The following NEK7 variants were observed in gnomAD, a reference collection of about 807,000 sequenced individuals.
NEK7 encodes the protein NIMA related kinase 7.
In NEK7, 18 loss-of-function variants were observed where a neutral mutation model predicts 44.6. The ratio of observed to expected loss-of-function variants is 0.40; its 90% CI spans 0.28 to 0.60. The LOEUF is 0.60. NEK7 is among the 20% of genes least tolerant of loss of function. The probability of loss-of-function intolerance (pLI) is 0.38; values close to 1 mark genes in which losing one functional copy is unlikely to be tolerated. For synonymous variants in NEK7, 130 were observed against 121.1 expected, an observed-to-expected ratio of 1.07 and a Z score of -0.48; for missense variants, 256 against 366.5, an observed-to-expected ratio of 0.70 and a Z score of 2.46.
intron 1 of NEK7, among the ~76,000 whole-genome samples, chr1:198,160,730 G>T (rs1664079590): frequency 6.6e-6 from 1 of 151,982 alleles, no homozygotes; most frequent in Non-Finnish European, 1.5e-5. Flanking sequence ...ATAACATTTG[G>T]TTACATAATT....
chr1:198,296,114 C>T (rs1322050885), intron 8 of NEK7, among the ~76,000 whole-genome samples: 1 of 152,106 alleles, frequency 6.6e-6, no homozygotes, highest in East Asian at 1.9e-4. Flanking sequence ...TTCAGCTTGT[C>T]CTGTCCCCAC....
At chr1:198,176,334 T>C (rs961615237) in intron 1 of NEK7, among the ~76,000 whole-genome samples, 1 of 152,116 alleles carries the variant, frequency 6.6e-6, no homozygotes, top group African/African-American at 2.4e-5. Flanking sequence ...GCTACCTGAG[T>C]ACCAAGCAAG....
chr1:198,231,301 GTATATATATATATATATA>G (rs749263549), intron 1 of NEK7, among the ~76,000 whole-genome samples: 3 of 86,978 alleles, frequency 3.4e-5, no homozygotes, highest in East Asian at 5.6e-4. Context: ...ATGTGTGTGT[GTATATATATATATATATA>G]TATATATATA....
At chr1:198,201,067 T>C (rs552583703) in intron 1 of NEK7, among the ~76,000 whole-genome samples, 17 of 152,364 alleles carry the variant, frequency 1.1e-4, no homozygotes, top group Admixed American at 4.6e-4. Flanking sequence ...GTGATTTTTG[T>C]GGTACATAAT....
intron 1 of NEK7, among the ~76,000 whole-genome samples, chr1:198,212,766 C>T (rs138102159): frequency 1.4e-4 from 21 of 152,370 alleles, no homozygotes; most frequent in East Asian, 3.9e-4. Context: ...GTCACCACTA[C>T]GGCTGATCCT....
chr1:198,316,742 TGGTA>T (rs984946659), intron 9 of NEK7, among the ~76,000 whole-genome samples: 4 of 152,244 alleles, frequency 2.6e-5, no homozygotes, highest in Non-Finnish European at 5.9e-5. Context: ...ACAAAGTGTC[TGGTA>T]CATAATAAAT....
chr1:198,287,726 TAAAA>T (rs201058288), intron 7 of NEK7, among the ~76,000 whole-genome samples: 37 of 145,262 alleles, frequency 2.5e-4, no homozygotes, highest in African/African-American at 9.3e-4. Flanking sequence ...ATTTTTGCTT[TAAAA>T]AAAAAAAAGC....
chr1:198,221,661 G>T (rs775380695), intron 1 of NEK7, among the ~76,000 whole-genome samples: 4 of 151,780 alleles, frequency 2.6e-5, no homozygotes, highest in Non-Finnish European at 5.9e-5. Flanking sequence ...AAGATTAAAT[G>T]CACTGAAGAT....
intron 9 of NEK7, among the ~76,000 whole-genome samples, chr1:198,315,727 A>G (rs1331512267): frequency 2.0e-5 from 3 of 152,224 alleles, no homozygotes; most frequent in African/African-American, 7.2e-5. Context: ...GATGTTTGAT[A>G]TGAATTTCAA....
intron 1 of NEK7, among the ~76,000 whole-genome samples, chr1:198,193,454 T>C (rs377528593): frequency 1.4e-4 from 22 of 152,156 alleles, no homozygotes; most frequent in African/African-American, 5.1e-4. Flanking sequence ...CCCTAACTTA[T>C]TTTACGAGGC....
chr1:198,210,004 C>T (rs1388771604), intron 1 of NEK7, among the ~76,000 whole-genome samples: 1 of 152,034 alleles, frequency 6.6e-6, no homozygotes, highest in East Asian at 1.9e-4. Flanking sequence ...CACCATGTTG[C>T]CCAGGCTGGT....
intron 1 of NEK7, among the ~76,000 whole-genome samples, chr1:198,196,433 ATTTAAG>A (rs1350376470): frequency 6.6e-6 from 1 of 152,246 alleles, no homozygotes; most frequent in Admixed American, 6.5e-5. Context: ...CGAGAGCTGG[ATTTAAG>A]TTTAAATCTT....
chr1:198,172,394 A>G (rs567713666), intron 1 of NEK7, among the ~76,000 whole-genome samples: 2 of 152,314 alleles, frequency 1.3e-5, no homozygotes, highest in South Asian at 4.1e-4. Context: ...CTTTTCACCA[A>G]AGATAAAGAG....
intron 7 of NEK7, among the ~76,000 whole-genome samples, chr1:198,282,641 G>C (rs911055295): frequency 6.6e-6 from 1 of 152,098 alleles, no homozygotes; most frequent in African/African-American, 2.4e-5. Context: ...ATGAATGCAA[G>C]TGTTTTCTTA....
chr1:198,229,897 T>C (rs1666336088), intron 1 of NEK7, among the ~76,000 whole-genome samples: 1 of 152,204 alleles, frequency 6.6e-6, no homozygotes, highest in African/African-American at 2.4e-5. Context: ...TTTTATTTGC[T>C]TAGACATTGT....
intron 1 of NEK7, among the ~76,000 whole-genome samples, chr1:198,180,980 G>A (rs1664749037): frequency 6.6e-6 from 1 of 151,776 alleles, no homozygotes; most frequent in African/African-American, 2.4e-5. Context: ...ATGTGGAAAA[G>A]GTCAAAATAG....
chr1:198,179,798 AGTGTGT>A (rs10554737), intron 1 of NEK7, among the ~76,000 whole-genome samples: 1 of 150,708 alleles, frequency 6.6e-6, no homozygotes, highest in African/African-American at 2.4e-5. Context: ...GTTACACAGG[AGTGTGT>A]GTGTGTGTGT....
At chr1:198,185,436 A>T (rs1214686394) in intron 1 of NEK7, among the ~76,000 whole-genome samples, 2 of 152,050 alleles carry the variant, frequency 1.3e-5, no homozygotes, top group African/African-American at 4.8e-5. Flanking sequence ...GCAGGGAGCA[A>T]GTGAATTATC....
At chr1:198,199,827 G>A (rs1162765766) in intron 1 of NEK7, among the ~76,000 whole-genome samples, 1 of 151,600 alleles carries the variant, frequency 6.6e-6, no homozygotes, top group Non-Finnish European at 1.5e-5. Flanking sequence ...TGATATGTAA[G>A]ACATGTCTTA....
Sources: gnomAD v4.1 joint callset for allele counts (sites outside exome capture counted in the v4.1 genomes callset) on GRCh38, gnomAD v4.1.1 for gene constraint, MANE v1.5 for transcripts, NCBI Gene and HGNC (gene_info 2026-07-23, HGNC 2026-07-21) for gene names.